MLIP: variants seen among roughly 807,000 people sequenced by gnomAD.
MLIP encodes the protein muscular LMNA interacting protein.
A neutral mutation model predicts 84.8 loss-of-function variants in MLIP; 79 were observed. The ratio of observed to expected loss-of-function variants is 0.93; its 90% CI spans 0.78 to 1.12. MLIP has a LOEUF of 1.12. Ranked by LOEUF, MLIP falls within the 50% of genes most tolerant of loss-of-function variation. The probability of loss-of-function intolerance (pLI) is 0.00; values close to 1 mark genes in which losing one functional copy is unlikely to be tolerated. For missense variants in MLIP, 1,257 were observed against 1,160.6 expected (o/e 1.08, Z -1.21); for synonymous variants, 504 against 463.0 (o/e 1.09, Z -1.14).
chr6:54,098,884 C>T (rs1358265459), intron 1 of MLIP, among the ~76,000 whole-genome samples: 1 of 152,066 alleles, frequency 6.6e-6, no homozygotes, highest in Non-Finnish European at 1.5e-5. Flanking sequence ...ATGAGAAAAT[C>T]GAGGCAGTGA....
intron 12 of MLIP, among the ~76,000 whole-genome samples, chr6:54,232,111 A>G (rs1476610772): frequency 6.6e-6 from 1 of 152,024 alleles, no homozygotes; most frequent in East Asian, 1.9e-4. Context: ...GAGAGAAAAT[A>G]TAATATTTTA....
chr6:54,169,270 T>C (rs1775521041), intron 8 of MLIP, among the ~76,000 whole-genome samples: 2 of 151,622 alleles, frequency 1.3e-5, no homozygotes, highest in Admixed American at 6.6e-5. Context: ...GGAAGAAACA[T>C]GAGGAAAGAA....
chr6:54,181,288 A>C (rs2792632), intron 9 of MLIP, among the ~76,000 whole-genome samples: 147,577 of 152,228 alleles, frequency 0.97, 71,703 homozygotes, highest in Non-Finnish European at 1. Flanking sequence ...GTGGCCACCA[A>C]CACCACCAGC....
intron 11 of MLIP, among the ~76,000 whole-genome samples, chr6:54,205,148 A>G (rs971240049): frequency 1.3e-5 from 2 of 152,220 alleles, no homozygotes; most frequent in Non-Finnish European, 2.9e-5. Flanking sequence ...AGAGATACCA[A>G]AACAGCTCTC....
upstream of MLIP, among the ~76,000 whole-genome samples, chr6:54,111,009 C>A (rs150051981): frequency 6.6e-6 from 1 of 152,126 alleles, no homozygotes; most frequent in Non-Finnish European, 1.5e-5. Context: ...TTTTCTAGTT[C>A]TTTATTTGGA....
intron 13 of MLIP, among the ~76,000 whole-genome samples, chr6:54,265,248 T>C (rs1783619766): frequency 6.6e-6 from 1 of 152,132 alleles, no homozygotes; most frequent in Non-Finnish European, 1.5e-5. Flanking sequence ...ATCTCTGATA[T>C]TTTCTTTTAT....
Position 54,124,671 on chromosome 6 carries a change from G to A in MLIP, c.451G>A (p.Glu151Lys), listed in dbSNP as rs778810279. Residue 151 changes from glutamate (E) to lysine (K), a missense_variant, in exon 3 of 14, where the codon GAG becomes AAG. Transcript: ENST00000502396. ...VLIVDSEGED[E>K]AASRKVEQGP... ...TATTGTGGACTCCGAAGGGGAAGAT[G>A]AGGCTGCAAGCAGAAAAGTTGAACA... 1.2e-6 allele frequency: 2 copies of A among 1,614,224 alleles called. No individual in the cohort carries two copies. Among genetic ancestry groups the A allele is most frequent in the South Asian group, 1.1e-5 (1 of 91,088 alleles).
chr6:54,245,565 A>G (rs1782023450), intron 12 of MLIP, among the ~76,000 whole-genome samples: 1 of 152,192 alleles, frequency 6.6e-6, no homozygotes, highest in South Asian at 2.1e-4. Flanking sequence ...ATGTAATGAA[A>G]ACCAGGATAG....
intron 1 of MLIP, among the ~76,000 whole-genome samples, chr6:54,050,017 A>G (rs1333059256): frequency 6.6e-6 from 1 of 152,168 alleles, no homozygotes; most frequent in South Asian, 2.1e-4. Flanking sequence ...ATGATTTGAT[A>G]CATTGCAAAG....
At position 54,265,992 on chromosome 6, in the gene MLIP, T is replaced by C. The variant is rs1448406153; in HGVS notation, c.*37T>C. On this transcript the variant is annotated 3_prime_UTR_variant, in exon 14 of 14. Transcript: ENST00000502396. ...AGGCTGAAAACACAGGCTGCTGAAGTTTTTTGGAATGCTGGTGCTAACCAC... is the reference window on the plus strand; with the variant it reads ...AGGCTGAAAACACAGGCTGCTGAAGCTTTTTGGAATGCTGGTGCTAACCAC... 7 of 1,609,118 alleles carry C rather than the reference T, an allele frequency of 4.4e-6. No individual in the cohort carries two copies. The highest frequency in any genetic ancestry group is 3.3e-5 in the Admixed American group (2 of 59,746).
chr6:54,130,527 T>A (rs1177846133), intron 3 of MLIP, among the ~76,000 whole-genome samples: 3 of 152,176 alleles, frequency 2.0e-5, no homozygotes, highest in African/African-American at 7.2e-5. Context: ...CTTCTGTTCC[T>A]TCATCTGCTA....
chr6:54,056,554 ACTT>A (rs1388650018), intron 1 of MLIP, among the ~76,000 whole-genome samples: 1 of 152,122 alleles, frequency 6.6e-6, no homozygotes, highest in Non-Finnish European at 1.5e-5. Flanking sequence ...GACCTCTTCT[ACTT>A]CTGAGAGAAT....
chr6:54,077,442 A>T (rs988798932), intron 1 of MLIP, among the ~76,000 whole-genome samples: 8 of 152,064 alleles, frequency 5.3e-5, no homozygotes, highest in Non-Finnish European at 1.0e-4. Context: ...TCTAATTTAG[A>T]CCATTACTTG....
intron 10 of MLIP, among the ~76,000 whole-genome samples, chr6:54,191,772 T>A (rs1399176784): frequency 6.6e-6 from 1 of 152,166 alleles, no homozygotes; most frequent in East Asian, 1.9e-4. Context: ...GAAATATTAC[T>A]ACAATTATTT....
In MLIP at chr6:54,210,381, G is replaced by C. The variant is rs1214228980; in HGVS notation, c.2718+8148G>C. Among the ~76,000 whole-genome samples, 19 of 152,130 alleles carry C rather than the reference G, an allele frequency of 1.2e-4. No individual in the cohort carries two copies. In the East Asian group the frequency reaches 1.4e-3, roughly 11 times the overall value. On this transcript the variant is annotated intron_variant, in intron 11 of 13. Transcript: ENST00000502396. ...ACTTACAAGGAGGGGCACTCATTAG[G>C]TAACAAGTTCTTACACCAAACTTCC...
chr6:54,197,557 GAT>G (rs1778386976), intron 10 of MLIP, among the ~76,000 whole-genome samples: 1 of 151,962 alleles, frequency 6.6e-6, no homozygotes, highest in Non-Finnish European at 1.5e-5. Flanking sequence ...TGATATTTTC[GAT>G]TTGGAGAATC....
chr6:54,171,414 C>T (rs548557187), intron 9 of MLIP, among the ~76,000 whole-genome samples: 1 of 151,678 alleles, frequency 6.6e-6, no homozygotes, highest in South Asian at 2.1e-4. Context: ...TACAACATGA[C>T]ATTTGAATTG....
intron 5 of MLIP, among the ~76,000 whole-genome samples, chr6:54,156,120 T>A (rs1218087217): frequency 6.6e-6 from 1 of 152,102 alleles, no homozygotes; most frequent in Non-Finnish European, 1.5e-5. Flanking sequence ...ATTTAAAGTA[T>A]GCTTTTAAGA....
intron 12 of MLIP, among the ~76,000 whole-genome samples, chr6:54,245,074 A>T (rs1399441228): frequency 6.6e-6 from 1 of 152,170 alleles, no homozygotes; most frequent in African/African-American, 2.4e-5. Flanking sequence ...ATAAACTGCC[A>T]TCCATTTGCA....
Sources: gnomAD v4.1 joint callset for allele counts (sites outside exome capture counted in the v4.1 genomes callset) on GRCh38, gnomAD v4.1.1 for gene constraint, MANE v1.5 for transcripts, NCBI Gene and HGNC (gene_info 2026-07-23, HGNC 2026-07-21) for gene names.